DOP1B: variants seen among roughly 807,000 people sequenced by gnomAD.
DOP1B encodes protein DOP1B.
In DOP1B, 174 loss-of-function variants were observed where a neutral mutation model predicts 233.5. The observed-to-expected ratio is 0.75, with a 90% CI of 0.66 to 0.85. The LOEUF (loss-of-function observed/expected upper bound fraction) is 0.85, where lower values mean the gene tolerates loss of function less well. Ranked by LOEUF, DOP1B falls within the 40% of genes least tolerant of loss-of-function variation. The pLI is 0.00. For synonymous variants in DOP1B, 1,190 were observed against 1,185.6 expected, an observed-to-expected ratio of 1.00 and a Z score of -0.08; for missense variants, 2,652 against 2,846.6, an observed-to-expected ratio of 0.93 and a Z score of 1.56.
intron 4 of DOP1B, among the ~76,000 whole-genome samples, chr21:36,204,934 C>T (rs1313960647): frequency 2.6e-5 from 4 of 152,108 alleles, no homozygotes; most frequent in African/African-American, 7.2e-5. Flanking sequence ...GGATTACAGG[C>T]GTGAGCCACT....
Position 36,253,810 on chromosome 21 carries a change from C to T in DOP1B, c.5160C>T (p.Val1720=), listed in dbSNP as rs531724096. 1.2e-5 allele frequency: 20 copies of T among 1,613,748 alleles called. 2 individuals are homozygous for T. In the South Asian group the frequency reaches 1.3e-4, roughly 11 times the overall value. The change falls in exon 23 of 37, where the codon GTC becomes GTT. Residue 1720 remains valine, a synonymous_variant. Coordinates refer to ENST00000691173, the MANE Select transcript of DOP1B (RefSeq NM_001320714.2). ...PTASASQLTL[V]DLVCALSTLQ... ...CAAGTGCATCCCAGCTAACCCTTGT[C>T]GACTTGGTGTGTGCACTCAGCACCC... is the stretch of plus-strand genomic sequence containing the variant.
chr21:36,291,378 G>A (rs1042971797), intron 35 of DOP1B, among the ~76,000 whole-genome samples: 9 of 152,018 alleles, frequency 5.9e-5, no homozygotes. Flanking sequence ...GGCCAAGATG[G>A]TGAAACCCCG....
chr21:36,205,219 A>G (rs984305958), intron 4 of DOP1B, among the ~76,000 whole-genome samples: 3 of 152,204 alleles, frequency 2.0e-5, no homozygotes, highest in Non-Finnish European at 4.4e-5. Context: ...TGCCCGGCCC[A>G]TGCCACTCAC....
At chr21:36,212,205 T>A in intron 7 of DOP1B, 108 bp downstream of exon 7, 1 of 1,279,870 alleles carries the variant, frequency 7.8e-7, no homozygotes, top group Non-Finnish European at 1.0e-6. Flanking sequence ...AATCATGAAG[T>A]ATGGAAAGAT....
chr21:36,243,309 T>G lies in DOP1B; in HGVS notation c.3068-1739T>G, dbSNP rs189225956. On this transcript the variant is annotated intron_variant, in intron 18 of 36. Transcript: ENST00000691173. Reference sequence around the variant, plus strand: ...GCATAGATTTATTGAACACTGCTTATTTAAAATGTTTGGCAATATCAAAGA... The same window carrying G: ...GCATAGATTTATTGAACACTGCTTAGTTAAAATGTTTGGCAATATCAAAGA... Among the ~76,000 whole-genome samples, 425 of 152,120 alleles carry G rather than the reference T, an allele frequency of 2.8e-3. 1 individual carries two copies. Among genetic ancestry groups the G allele is most frequent in the Non-Finnish European group, 4.5e-3 (306 of 67,984 alleles).
At chr21:36,273,437 A>G (rs560861989) in intron 27 of DOP1B, among the ~76,000 whole-genome samples, 3 of 152,234 alleles carry the variant, frequency 2.0e-5, no homozygotes, top group Admixed American at 1.3e-4. Flanking sequence ...TTTAATGACT[A>G]AAAGAAAGTA....
At chr21:36,271,474 G>T (rs902425268) in intron 27 of DOP1B, among the ~76,000 whole-genome samples, 1 of 152,058 alleles carries the variant, frequency 6.6e-6, no homozygotes, top group Non-Finnish European at 1.5e-5. Context: ...GTTTCACCAT[G>T]TTGGCCAGGC....
chr21:36,182,051 C>G (rs2066105119), intron 2 of DOP1B, among the ~76,000 whole-genome samples: 1 of 152,134 alleles, frequency 6.6e-6, no homozygotes, highest in South Asian at 2.1e-4. Context: ...ATATATTACT[C>G]TTGTGTTTGG....
At chr21:36,264,815 A>G (rs2067214511) in intron 26 of DOP1B, among the ~76,000 whole-genome samples, 1 of 152,142 alleles carries the variant, frequency 6.6e-6, no homozygotes, top group South Asian at 2.1e-4. Flanking sequence ...ATCCCCCATT[A>G]TAACAGTAAT....
At chr21:36,270,706 G>C (rs1446852959) in intron 27 of DOP1B, among the ~76,000 whole-genome samples, 2 of 151,444 alleles carry the variant, frequency 1.3e-5, no homozygotes, top group Non-Finnish European at 2.9e-5. Context: ...CTGAGGTCAG[G>C]AGTTCAAGAC....
intron 27 of DOP1B, among the ~76,000 whole-genome samples, chr21:36,271,590 C>T (rs1052840478): frequency 2.0e-5 from 3 of 151,706 alleles, no homozygotes; most frequent in African/African-American, 7.3e-5. Context: ...TCCTTTGTAT[C>T]CATAGCCAGA....
intron 2 of DOP1B, among the ~76,000 whole-genome samples, chr21:36,186,370 GTA>G (rs2066165885): frequency 6.6e-6 from 1 of 152,174 alleles, no homozygotes; most frequent in Non-Finnish European, 1.5e-5. Context: ...TATGCAGTGT[GTA>G]TGTGTGGAGT....
chr21:36,197,879 C>T (rs1261103757), intron 2 of DOP1B, among the ~76,000 whole-genome samples: 5 of 151,840 alleles, frequency 3.3e-5, no homozygotes, highest in African/African-American at 7.3e-5. Flanking sequence ...GATGTGGTGG[C>T]GTGTGCCTGT....
intron 18 of DOP1B, among the ~76,000 whole-genome samples, chr21:36,241,545 G>T (rs2066891643): frequency 9.0e-6 from 1 of 110,904 alleles, no homozygotes; most frequent in African/African-American, 3.6e-5. Context: ...GTCTCGCTCT[G>T]TCACCCAAGC....
intron 36 of DOP1B, among the ~76,000 whole-genome samples, chr21:36,293,092 G>C (rs1339315198): frequency 6.6e-6 from 1 of 151,744 alleles, no homozygotes; most frequent in Non-Finnish European, 1.5e-5. Flanking sequence ...TGTAATCCCA[G>C]CTACTCAGGA....
At chr21:36,223,387 A>G (rs776658794) in intron 11 of DOP1B, 37 bp downstream of exon 11, 1 of 1,589,422 alleles carries the variant, frequency 6.3e-7, no homozygotes, top group Non-Finnish European at 8.5e-7. Flanking sequence ...ATATTTAGGA[A>G]GGATGAGAGG....
rs191269696 is a variant in DOP1B at position 36,173,473 on chromosome 21, G to A, written c.138+8602G>A. Among the ~76,000 whole-genome samples, 838 of 149,246 alleles carry A rather than the reference G, an allele frequency of 5.6e-3. 7 individuals are homozygous for A. Among genetic ancestry groups the A allele is most frequent in the African/African-American group, 0.018 (731 of 40,488 alleles). ...GTCTTGCTCTGTCGCCCAGGCTGGA[G>A]TGCAGCGGCCCCGTCTTGGCTCACT... On this transcript the variant is annotated intron_variant, in intron 2 of 36. Coordinates refer to ENST00000691173, the MANE Select transcript of DOP1B (RefSeq NM_001320714.2).
At chr21:36,241,029 T>C (rs2066886522) in intron 18 of DOP1B, among the ~76,000 whole-genome samples, 1 of 152,102 alleles carries the variant, frequency 6.6e-6, no homozygotes, top group Non-Finnish European at 1.5e-5. Context: ...GGACGGTGGC[T>C]CACCCCTGTA....
At position 36,277,993 on chromosome 21, in the gene DOP1B, G is replaced by T; in HGVS notation, c.5731G>T (p.Asp1911Tyr). Residue 1911 changes from aspartate to tyrosine, a missense_variant, in exon 29 of 37, where the codon GAC becomes TAC. Around this residue, in one of 3 missense-constraint regions of DOP1B, gnomAD observed 2,617 missense variants for 2,794.3 expected, o/e 0.94. Transcript: ENST00000691173. Reference protein sequence around the residue: ...LLAEVLASLLDMVYRSDEKEK... With the variant: ...LLAEVLASLLYMVYRSDEKEK... ...CTTTTAGGTACTGGCTTCCCTCCTG[G>T]ACATGGTTTATCGAAGTGATGAGAA... 3 of 1,614,032 alleles carry T rather than the reference G, an allele frequency of 1.9e-6. No homozygotes were observed. Among genetic ancestry groups the T allele is most frequent in the Non-Finnish European group, 2.5e-6 (3 of 1,179,990 alleles).
Sources: gnomAD v4.1 joint callset for allele counts (sites outside exome capture counted in the v4.1 genomes callset) on GRCh38, gnomAD v4.1.1 for gene constraint, gnomAD v4.1.1 regional missense constraint, MANE v1.5 for transcripts, NCBI Gene and HGNC (gene_info 2026-07-23, HGNC 2026-07-21) for gene names.